Variants in GRID2 observed in about 807,000 individuals in gnomAD.
GRID2 encodes glutamate receptor ionotropic, delta-2.
In GRID2, 33 loss-of-function variants were observed where a neutral mutation model predicts 114.8. That is an observed-to-expected ratio of 0.29 (90% CI 0.22 to 0.38). The LOEUF is 0.38. Ranked by LOEUF, GRID2 falls within the 10% of genes least tolerant of loss-of-function variation. GRID2 has a pLI of 1.00. For missense variants in GRID2, 1,184 were observed against 1,257.7 expected (o/e 0.94, Z 0.89); for synonymous variants, 505 against 449.9 (o/e 1.12, Z -1.55).
intron 13 of GRID2, among the ~76,000 whole-genome samples, chr4:93,591,937 T>G (rs1413715153): frequency 3.3e-5 from 5 of 152,180 alleles, no homozygotes; most frequent in Admixed American, 6.5e-5. Context: ...TCTATTTGAT[T>G]CTTTTCTCTT....
At chr4:93,594,527 C>T (rs543061256) in intron 13 of GRID2, among the ~76,000 whole-genome samples, 1 of 152,128 alleles carries the variant, frequency 6.6e-6, no homozygotes, top group Non-Finnish European at 1.5e-5. Flanking sequence ...GCCCTGCCCC[C>T]AGAGGTGGAG....
chr4:92,775,991 T>TA (rs1286583549), intron 2 of GRID2, among the ~76,000 whole-genome samples: 2 of 152,140 alleles, frequency 1.3e-5, no homozygotes, highest in African/African-American at 4.8e-5. Flanking sequence ...AAGATAATTT[T>TA]AAAAAATTGA....
chr4:93,680,359 A>G (rs1385618246), intron 14 of GRID2, among the ~76,000 whole-genome samples: 2 of 151,802 alleles, frequency 1.3e-5, no homozygotes, highest in East Asian at 1.9e-4. Context: ...ACAAGGAGGA[A>G]CTGGTACCAT....
intron 8 of GRID2, among the ~76,000 whole-genome samples, chr4:93,316,544 G>A (rs752291922): frequency 1.3e-5 from 2 of 152,112 alleles, no homozygotes; most frequent in Non-Finnish European, 2.9e-5. Context: ...TCCTTTCAGT[G>A]AAAGAAGAGA....
chr4:93,553,980 A>G (rs529394933), intron 13 of GRID2, among the ~76,000 whole-genome samples: 1 of 152,324 alleles, frequency 6.6e-6, no homozygotes, highest in Admixed American at 6.5e-5. Flanking sequence ...ATACTAATTA[A>G]TACAAATTCC....
intron 1 of GRID2, among the ~76,000 whole-genome samples, chr4:92,500,011 T>C (rs1367340973): frequency 1.3e-5 from 2 of 152,236 alleles, no homozygotes; most frequent in Non-Finnish European, 2.9e-5. Flanking sequence ...TGTTCTTTCA[T>C]TAATATTTTT....
At chr4:93,124,417 A>T (rs1333072524) in intron 4 of GRID2, among the ~76,000 whole-genome samples, 1 of 152,210 alleles carries the variant, frequency 6.6e-6, no homozygotes, top group Admixed American at 6.5e-5. Flanking sequence ...GCTGATTTCT[A>T]TTTAATTTGC....
chr4:92,420,917 T>C (rs1731874562), intron 1 of GRID2, among the ~76,000 whole-genome samples: 1 of 152,128 alleles, frequency 6.6e-6, no homozygotes, highest in Non-Finnish European at 1.5e-5. Flanking sequence ...ACTCCTAGCC[T>C]CAAGTGATCT....
chr4:93,386,717 T>C (rs1442597463), intron 8 of GRID2, among the ~76,000 whole-genome samples: 1 of 152,036 alleles, frequency 6.6e-6, no homozygotes, highest in Non-Finnish European at 1.5e-5. Context: ...CCTATGGTTT[T>C]ATGGACCTAA....
intron 14 of GRID2, among the ~76,000 whole-genome samples, chr4:93,665,474 G>GTCTTTTAT (rs1723868094): frequency 6.6e-6 from 1 of 152,112 alleles, no homozygotes; most frequent in East Asian, 1.9e-4. Flanking sequence ...TTTAAGATGT[G>GTCTTTTAT]TCTTTTATAT....
At chr4:93,409,042 T>G (rs905539949) in intron 9 of GRID2, among the ~76,000 whole-genome samples, 3 of 152,190 alleles carry the variant, frequency 2.0e-5, no homozygotes, top group Non-Finnish European at 4.4e-5. Flanking sequence ...AAAATAATTA[T>G]GTACCTTGTT....
At chr4:93,662,366 A>G (rs1186414023) in intron 14 of GRID2, among the ~76,000 whole-genome samples, 1 of 152,190 alleles carries the variant, frequency 6.6e-6, no homozygotes, top group Non-Finnish European at 1.5e-5. Flanking sequence ...CATAATATGC[A>G]GAAATATTAT....
chr4:92,439,345 G>A (rs1228190540), intron 1 of GRID2, among the ~76,000 whole-genome samples: 4 of 152,140 alleles, frequency 2.6e-5, no homozygotes, highest in Admixed American at 2.6e-4. Flanking sequence ...AGGCCATCTG[G>A]GCGTATATGT....
chr4:92,572,396 G>C (rs773842991), intron 1 of GRID2, among the ~76,000 whole-genome samples: 3 of 147,572 alleles, frequency 2.0e-5, no homozygotes, highest in Non-Finnish European at 4.4e-5. Flanking sequence ...ATAATTAATA[G>C]CTTACCAATC....
intron 1 of GRID2, among the ~76,000 whole-genome samples, chr4:92,345,053 CT>C (rs922735708): frequency 5.9e-5 from 9 of 152,200 alleles, no homozygotes; most frequent in African/African-American, 2.2e-4. Context: ...GCTTTCTCCC[CT>C]GAGTCCCAAA....
chr4:92,814,821 C>T (rs1199782317), intron 2 of GRID2, among the ~76,000 whole-genome samples: 1 of 152,078 alleles, frequency 6.6e-6, no homozygotes, highest in Admixed American at 6.6e-5. Context: ...TGCTTCTAGC[C>T]ACCATGTTCT....
At chr4:92,877,493 G>A (rs1194538795) in intron 2 of GRID2, among the ~76,000 whole-genome samples, 1 of 152,088 alleles carries the variant, frequency 6.6e-6, no homozygotes, top group Non-Finnish European at 1.5e-5. Context: ...GATGAGCGAG[G>A]CATCATTTAT....
intron 1 of GRID2, among the ~76,000 whole-genome samples, chr4:93,794,036 A>AG (rs1734748383): frequency 6.6e-6 from 1 of 152,024 alleles, no homozygotes; most frequent in South Asian, 2.1e-4. Context: ...AAAAAAAAAA[A>AG]GAATATGATT....
chr4:93,409,319 A>G (rs1766865161), intron 9 of GRID2, among the ~76,000 whole-genome samples: 1 of 152,258 alleles, frequency 6.6e-6, no homozygotes, highest in African/African-American at 2.4e-5. Flanking sequence ...TAGGGCATCA[A>G]TGTGTAGTTG....
Sources: gnomAD v4.1 joint callset for allele counts (sites outside exome capture counted in the v4.1 genomes callset) on GRCh38, gnomAD v4.1.1 for gene constraint, MANE v1.5 for transcripts, NCBI Gene and HGNC (gene_info 2026-07-23, HGNC 2026-07-21) for gene names.